PTBP3: variants seen among roughly 807,000 people sequenced by gnomAD.
The protein encoded by PTBP3 is polypyrimidine tract-binding protein 3.
PTBP3 carries 20 observed loss-of-function variants against 58.7 expected under a neutral mutation model. The ratio of observed to expected loss-of-function variants is 0.34; its 90% CI spans 0.24 to 0.50. PTBP3 has a LOEUF of 0.50. Among genes scored for constraint, PTBP3 ranks in the 20% least tolerant of loss-of-function variants. The probability of loss-of-function intolerance (pLI) is 0.98; values close to 1 mark genes in which losing one functional copy is unlikely to be tolerated. For missense variants in PTBP3, 509 were observed against 637.2 expected (o/e 0.80, Z 2.17); for synonymous variants, 185 against 219.8 (o/e 0.84, Z 1.40).
intron 2 of PTBP3, among the ~76,000 whole-genome samples, chr9:112,291,544 G>C (rs937318187): frequency 1.3e-5 from 2 of 152,150 alleles, no homozygotes; most frequent in Admixed American, 1.3e-4. Flanking sequence ...ACAGATTAGA[G>C]AACCCAGAAA....
At chr9:112,294,555 T>C (rs2132298495) in intron 2 of PTBP3, among the ~76,000 whole-genome samples, 1 of 152,232 alleles carries the variant, frequency 6.6e-6, no homozygotes, top group East Asian at 1.9e-4. Flanking sequence ...ACAGCAAACA[T>C]TATATTAAAA....
the PTBP3 span, among the ~76,000 whole-genome samples, chr9:112,374,053 T>C: frequency 1.3e-4 from 20 of 152,318 alleles, no homozygotes; most frequent in Admixed American, 3.9e-4. Flanking sequence ...CCTGCTTGGA[T>C]TGGGCTGCTG....
chr9:112,372,113 C>T, the PTBP3 span, among the ~76,000 whole-genome samples: 1 of 152,002 alleles, frequency 6.6e-6, no homozygotes, highest in Non-Finnish European at 1.5e-5. Flanking sequence ...TATTCTGTCA[C>T]CAAGGCTGGA....
At chr9:112,352,172 T>C in the PTBP3 span, among the ~76,000 whole-genome samples, 1 of 152,174 alleles carries the variant, frequency 6.6e-6, no homozygotes, top group South Asian at 2.1e-4. Context: ...TACTCCCACC[T>C]GGACTTCCCA....
At chr9:112,375,437 C>T in the PTBP3 span, among the ~76,000 whole-genome samples, 7 of 152,178 alleles carry the variant, frequency 4.6e-5, no homozygotes, top group African/African-American at 1.7e-4. Context: ...GCAGGGATGT[C>T]CTAGAAAGGG....
intron 3 of PTBP3, among the ~76,000 whole-genome samples, chr9:112,271,974 C>T (rs976786289): frequency 1.2e-4 from 19 of 152,042 alleles, no homozygotes; most frequent in African/African-American, 4.3e-4. Flanking sequence ...AGCCCCTTGA[C>T]ATTTATATTT....
chr9:112,374,552 G>A, the PTBP3 span, among the ~76,000 whole-genome samples: 3 of 152,254 alleles, frequency 2.0e-5, no homozygotes, highest in East Asian at 3.9e-4. Flanking sequence ...TCACCTAGTT[G>A]GTGTTGTAAT....
chr9:112,219,939 A>T lies in PTBP3; in HGVS notation c.*3912T>A. 2.3e-6 allele frequency: 1 copy of T among 430,574 alleles called. No homozygotes were observed. Among genetic ancestry groups the T allele is most frequent in the Non-Finnish European group, 3.3e-6 (1 of 306,438 alleles). 26.7% of individuals were successfully genotyped at this position (430,574 alleles called of 1,614,324 possible). A position where few individuals can be genotyped will look rare whatever the true frequency, so the allele number is the denominator to read the frequency against. On this transcript the variant is annotated 3_prime_UTR_variant, in exon 14 of 14. Coordinates refer to ENST00000374257, the MANE Select transcript of PTBP3 (RefSeq NM_001163788.4). ...TTGTAGATAACAACACAACTCTTTT[A>T]AAAGACAGCTGAGTTATATTTTCAA...
upstream of PTBP3, among the ~76,000 whole-genome samples, chr9:112,337,572 G>A (rs979882019): frequency 1.3e-5 from 2 of 152,180 alleles, no homozygotes; most frequent in African/African-American, 4.8e-5. Context: ...CTATATACTG[G>A]CTTCTTGATA....
At chr9:112,352,816 CT>C in the PTBP3 span, among the ~76,000 whole-genome samples, 1 of 152,054 alleles carries the variant, frequency 6.6e-6, no homozygotes, top group African/African-American at 2.4e-5. Flanking sequence ...GTTGAAATTT[CT>C]TTTTTGGTTC....
chr9:112,228,113 T>A (rs538008878), intron 11 of PTBP3, among the ~76,000 whole-genome samples: 6 of 152,280 alleles, frequency 3.9e-5, no homozygotes, highest in African/African-American at 1.4e-4. Context: ...AAACAAATCA[T>A]GCTTATTAAA....
upstream of PTBP3, among the ~76,000 whole-genome samples, chr9:112,336,144 G>T (rs1300522517): frequency 1.3e-5 from 2 of 152,072 alleles, no homozygotes; most frequent in Non-Finnish European, 2.9e-5. Flanking sequence ...AAAGTGCTGG[G>T]ATTATAGGCA....
intron 7 of PTBP3, among the ~76,000 whole-genome samples, chr9:112,239,695 C>T (rs974110782): frequency 6.6e-6 from 1 of 151,212 alleles, no homozygotes; most frequent in Non-Finnish European, 1.5e-5. Flanking sequence ...TGCACCACTG[C>T]ACTCCAGCCT....
At chr9:112,237,586 T>C (rs1223151248) in intron 7 of PTBP3, among the ~76,000 whole-genome samples, 1 of 152,116 alleles carries the variant, frequency 6.6e-6, no homozygotes, top group Non-Finnish European at 1.5e-5. Context: ...TGAACAAGTA[T>C]AAAGACTTTC....
the PTBP3 span, among the ~76,000 whole-genome samples, chr9:112,339,657 A>G: frequency 1.3e-5 from 2 of 150,042 alleles, no homozygotes; most frequent in Non-Finnish European, 3.0e-5. Flanking sequence ...TCTACCTCCC[A>G]GGTTCAAGCG....
At chr9:112,311,783 A>G (rs1227183518) in intron 1 of PTBP3, among the ~76,000 whole-genome samples, 2 of 152,132 alleles carry the variant, frequency 1.3e-5, no homozygotes, top group Non-Finnish European at 2.9e-5. Flanking sequence ...GTCTCTGAAA[A>G]AAAACGGTTT....
At position 112,221,166 on chromosome 9, in the gene PTBP3, A is replaced by G; in HGVS notation, c.*2685T>C. ...TAAAACAAGAACATCCCACATCTCC[A>G]AATCTTAATTTGGTTAATTTTGTCA... On this transcript the variant is annotated 3_prime_UTR_variant, in exon 14 of 14. Transcript: ENST00000374257. The G allele has an allele frequency of 2.0e-6, 2 of 985,758 alleles. No homozygotes were observed. The highest frequency in any genetic ancestry group is 2.4e-6 in the Non-Finnish European group (2 of 829,876). 61.1% of individuals were successfully genotyped at this position (985,758 alleles called of 1,614,324 possible).
rs556426008 is a variant in PTBP3 at position 112,221,688 on chromosome 9, T to C, written c.*2163A>G. The C allele has an allele frequency of 7.6e-5, 75 of 985,126 alleles. No individual in the cohort carries two copies. The highest frequency in any genetic ancestry group is 8.9e-5 in the Non-Finnish European group (74 of 829,778). 61.0% of individuals were successfully genotyped at this position (985,126 alleles called of 1,614,324 possible). ...CCACAACTACATACATGAGTATATC[T>C]ATCTATTCAGCCAAACTGATCCATT... On this transcript the variant is annotated 3_prime_UTR_variant, in exon 14 of 14. Transcript: ENST00000374257.
intron 4 of PTBP3, among the ~76,000 whole-genome samples, chr9:112,266,400 G>A (rs953763498): frequency 5.4e-4 from 82 of 152,208 alleles, no homozygotes; most frequent in African/African-American, 1.9e-3. Context: ...TATATTGGTG[G>A]CACTCTAAGC....
Sources: allele counts gnomAD v4.1 joint callset (sites outside exome capture counted in the v4.1 genomes callset), GRCh38; gene constraint gnomAD v4.1.1; transcripts MANE v1.5; gene names NCBI Gene and HGNC (gene_info 2026-07-23, HGNC 2026-07-21).